The following PLEKHA7 variants were observed in gnomAD, a reference collection of about 807,000 sequenced individuals.
PLEKHA7 encodes pleckstrin homology domain-containing family A member 7.
Under a neutral mutation model 170.0 loss-of-function variants are expected in PLEKHA7, and 104 were observed. The ratio of observed to expected loss-of-function variants is 0.61; its 90% CI spans 0.52 to 0.72. The LOEUF is 0.72. PLEKHA7 is among the 30% of genes least tolerant of loss of function. PLEKHA7 has a pLI of 0.00. For missense variants in PLEKHA7, 1,615 were observed against 1,671.7 expected (o/e 0.97, Z 0.59); for synonymous variants, 648 against 660.8 (o/e 0.98, Z 0.30).
chr11:17,006,680 C>T (rs1009071218), intron 3 of PLEKHA7, among the ~76,000 whole-genome samples: 2 of 151,286 alleles, frequency 1.3e-5, no homozygotes, highest in African/African-American at 4.9e-5. Flanking sequence ...GTTTGACATT[C>T]TACAAGATAA....
At chr11:16,927,231 A>G (rs1009420975) in intron 3 of PLEKHA7, among the ~76,000 whole-genome samples, 2 of 152,206 alleles carry the variant, frequency 1.3e-5, no homozygotes, top group Non-Finnish European at 2.9e-5. Flanking sequence ...GTTTCTCCAT[A>G]TATTTTTTTA....
Position 16,816,206 on chromosome 11 carries a change from A to G in PLEKHA7, c.1925T>C (p.Val642Ala). 4 of 1,613,862 alleles carry G rather than the reference A, an allele frequency of 2.5e-6. No individual in the cohort carries two copies. The highest frequency in any genetic ancestry group is 3.4e-6 in the Non-Finnish European group (4 of 1,179,812). Reference sequence around the variant, plus strand: ...TTTTCCATGTAAACTGGGAGCGCTGACGGTGTGGGTCATGTAACCCATGGA... The same window carrying G: ...TTTTCCATGTAAACTGGGAGCGCTGGCGGTGTGGGTCATGTAACCCATGGA... ...MPSMGYMTHTVSAPSLHGKSA... is the reference protein window; with the variant it reads ...MPSMGYMTHTASAPSLHGKSA... The change falls in exon 12 of 27, where the codon GTC becomes GCC. Residue 642 changes from valine (V) to alanine (A), a missense_variant. Transcript: ENST00000531066.
rs544040511 is a variant in PLEKHA7, at chr11:16,955,801, G to A, written c.221+58188C>T. On this transcript the variant is annotated intron_variant, in intron 3 of 26. Transcript: ENST00000531066. ...TCTCAGTTATCTAAAATTAAGGCAGGCTTAGTAAAACCACCGAAGGGATCT... is the reference window on the plus strand; with the variant it reads ...TCTCAGTTATCTAAAATTAAGGCAGACTTAGTAAAACCACCGAAGGGATCT... 1.8e-4 allele frequency among the ~76,000 whole-genome samples: 28 copies of A among 152,222 alleles called. 1 individual carries two copies. In the South Asian group the frequency reaches 5.6e-3, roughly 31 times the overall value.
chr11:17,003,764 T>C (rs879936169), intron 3 of PLEKHA7, among the ~76,000 whole-genome samples: 1 of 152,204 alleles, frequency 6.6e-6, no homozygotes, highest in Non-Finnish European at 1.5e-5. Context: ...TTCTGCATGA[T>C]GAAGTTGCCT....
At chr11:16,796,190 T>C (rs901677704) in intron 17 of PLEKHA7, among the ~76,000 whole-genome samples, 2 of 152,182 alleles carry the variant, frequency 1.3e-5, no homozygotes, top group Non-Finnish European at 2.9e-5. Flanking sequence ...GGCACTGTCC[T>C]ATGTAATCAT....
chr11:16,805,831 G>C (rs1180195942), intron 13 of PLEKHA7, among the ~76,000 whole-genome samples: 1 of 151,018 alleles, frequency 6.6e-6, no homozygotes, highest in African/African-American at 2.4e-5. Flanking sequence ...AAAAAAAACT[G>C]CTGCTTACTA....
intron 3 of PLEKHA7, among the ~76,000 whole-genome samples, chr11:16,940,842 CT>C (rs1246281380): frequency 6.6e-6 from 1 of 152,080 alleles, no homozygotes; most frequent in African/African-American, 2.4e-5. Flanking sequence ...TTAAAGCTGC[CT>C]GTGGCTTCCC....
At chr11:16,892,498 T>C (rs1299053991) in intron 3 of PLEKHA7, among the ~76,000 whole-genome samples, 1 of 151,016 alleles carries the variant, frequency 6.6e-6, no homozygotes, top group East Asian at 1.9e-4. Flanking sequence ...CAGGATGGAG[T>C]GCAGTAGTAC....
rs368685251 is a variant in PLEKHA7, at chr11:16,948,669, CA to C, written c.221+65319del. Among the ~76,000 whole-genome samples the C allele has an allele frequency of 4.5e-4, 20 of 44,840 alleles. No individual in the cohort carries two copies. In the East Asian group the frequency reaches 0.019, roughly 43 times the overall value. The allele number at this position is 44,840 out of a possible 152,430, so 29.4% of individuals were successfully genotyped here. ...GGAGGAACACACACACACACACACA[CA>C]CACAGACACCCCTCAGCTTCTCTTG... On this transcript the variant is annotated intron_variant, in intron 3 of 26. Coordinates refer to ENST00000531066, the MANE Select transcript of PLEKHA7 (RefSeq NM_001329630.2).
At chr11:16,965,287 C>A (rs569382949) in intron 3 of PLEKHA7, among the ~76,000 whole-genome samples, 3 of 151,854 alleles carry the variant, frequency 2.0e-5, no homozygotes, top group African/African-American at 7.3e-5. Context: ...CACACCACTG[C>A]GCTCTAGCCT....
At chr11:16,883,755 A>C (rs1053723036) in intron 3 of PLEKHA7, among the ~76,000 whole-genome samples, 1 of 152,166 alleles carries the variant, frequency 6.6e-6, no homozygotes, top group Admixed American at 6.5e-5. Flanking sequence ...CAGTATTAAT[A>C]TATAGCAACA....
At chr11:17,013,968 G>C in intron 3 of PLEKHA7, 21 bp downstream of exon 3, 1 of 1,528,060 alleles carries the variant, frequency 6.5e-7, no homozygotes, top group Non-Finnish European at 8.8e-7. Flanking sequence ...AGGTGCGAGC[G>C]CGGCGGCCCC....
At chr11:16,938,405 T>G (rs1250819025) in intron 3 of PLEKHA7, among the ~76,000 whole-genome samples, 1 of 152,200 alleles carries the variant, frequency 6.6e-6, no homozygotes, top group Non-Finnish European at 1.5e-5. Context: ...TAGCTTTCCT[T>G]GTGCTCATTT....
Position 16,794,563 on chromosome 11 carries a change from C to A in PLEKHA7, c.2670G>T (p.Pro890=). 1 of 1,613,532 alleles carries A rather than the reference C, an allele frequency of 6.2e-7. No homozygotes were observed. Among genetic ancestry groups the A allele is most frequent in the Non-Finnish European group, 8.5e-7 (1 of 1,179,786 alleles). Residue 890 remains proline, a synonymous_variant, in exon 19 of 27, where the codon CCG becomes CCT. Transcript: ENST00000531066. ...TCAGCTGGGGTGGGTGAGGTCGGTA[C>A]GGCACGTAGGTTTGCAGCTGGGGGA... ...RLFPQLQTYV[P]YRPHPPQLRK...
chr11:16,780,985 A>AG (rs1848980972), intron 26 of PLEKHA7: 6 of 985,908 alleles, frequency 6.1e-6, no homozygotes, highest in Non-Finnish European at 7.2e-6. Flanking sequence ...CGTTGGTAAA[A>AG]GGGGGGTAAG....
At chr11:16,838,907 C>T (rs767148603) in intron 9 of PLEKHA7, among the ~76,000 whole-genome samples, 3 of 151,878 alleles carry the variant, frequency 2.0e-5, no homozygotes, top group South Asian at 2.1e-4. Context: ...AGGATGGTCT[C>T]GATCTCCTGA....
intron 9 of PLEKHA7, among the ~76,000 whole-genome samples, chr11:16,837,893 G>C (rs747616816): frequency 6.6e-5 from 10 of 152,148 alleles, no homozygotes; most frequent in Non-Finnish European, 1.0e-4. Flanking sequence ...TCCTGTAGTT[G>C]AGCTCCAGGC....
chr11:16,977,984 C>T (rs1863179468), intron 3 of PLEKHA7, among the ~76,000 whole-genome samples: 1 of 152,110 alleles, frequency 6.6e-6, no homozygotes. Context: ...TTTGCCACTC[C>T]AACAAAAACC....
chr11:17,005,396 G>T (rs1864926699), intron 3 of PLEKHA7, among the ~76,000 whole-genome samples: 1 of 152,176 alleles, frequency 6.6e-6, no homozygotes, highest in Non-Finnish European at 1.5e-5. Context: ...GCCAGGCGTG[G>T]TGGTGGGTGT....
Sources: gnomAD v4.1 joint callset for allele counts (sites outside exome capture counted in the v4.1 genomes callset) on GRCh38, gnomAD v4.1.1 for gene constraint, MANE v1.5 for transcripts, NCBI Gene and HGNC (gene_info 2026-07-23, HGNC 2026-07-21) for gene names.